The following NFIC variants were observed in gnomAD, a reference collection of about 807,000 sequenced individuals.
The protein encoded by NFIC is nuclear factor 1 C-type.
In NFIC, 12 loss-of-function variants were observed where a neutral mutation model predicts 54.4. The observed-to-expected ratio is 0.22, with a 90% CI of 0.14 to 0.36. The LOEUF (loss-of-function observed/expected upper bound fraction) is 0.36, where lower values mean the gene tolerates loss of function less well. Among genes scored for constraint, NFIC ranks in the 10% least tolerant of loss-of-function variants. The pLI, the probability that NFIC is intolerant of heterozygous loss-of-function variation, is 1.00. For synonymous variants in NFIC, 322 were observed against 319.2 expected (o/e 1.01, Z -0.09); for missense variants, 575 against 718.2 (o/e 0.80, Z 2.28).
At chr19:3,462,443 G>A (rs965396865) in intron 10 of NFIC, among the ~76,000 whole-genome samples, 1 of 152,210 alleles carries the variant, frequency 6.6e-6, no homozygotes, top group African/African-American at 2.4e-5. Context: ...TCTTTTGTGT[G>A]TGGTGTGTAA....
Position 3,453,811 on chromosome 19 carries a change from C to G in NFIC, c.1318C>G (p.Gln440Glu). Residue 440 changes from glutamine (Q) to glutamate (E), a missense_variant, in exon 9 of 11, where the codon CAG (glutamine) becomes GAG (glutamate). By Grantham distance (29) the Gln-to-Glu change is conservative. Transcript: ENST00000443272. This position sits in a 1 kb window ranked among gnomAD's most constrained non-coding sequence, Gnocchi z 6.7. ...AATGCCCAGCCACTGCCTTTCTGCT[C>G]AGATGCTGGCACCTCCGCCCCCGGG... ...LKMPSHCLSA[Q>E]MLAPPPPGLP... 6.2e-7 allele frequency: 1 copy of G among 1,604,728 alleles called. No homozygotes were observed. Among genetic ancestry groups the G allele is most frequent in the Non-Finnish European group, 8.5e-7 (1 of 1,176,094 alleles).
chr19:3,397,863 G>C (rs892633311), intron 2 of NFIC, among the ~76,000 whole-genome samples: 1 of 152,238 alleles, frequency 6.6e-6, no homozygotes, highest in South Asian at 2.1e-4. Flanking sequence ...TGTGTCTGAC[G>C]GGGGTGGGGA....
At chr19:3,429,609 A>G (rs2082089516) in intron 3 of NFIC, among the ~76,000 whole-genome samples, 1 of 152,074 alleles carries the variant, frequency 6.6e-6, no homozygotes, top group South Asian at 2.1e-4. Flanking sequence ...AAAGATTGTA[A>G]CAGGGGGACT....
intron 2 of NFIC, among the ~76,000 whole-genome samples, chr19:3,391,778 C>G (rs900757240): frequency 6.6e-6 from 1 of 152,080 alleles, no homozygotes; most frequent in Non-Finnish European, 1.5e-5. Flanking sequence ...GCCTGGGCAA[C>G]AGAGTGAGAC....
intron 6 of NFIC, among the ~76,000 whole-genome samples, chr19:3,440,082 C>A (rs11085019): frequency 0.32 from 48,712 of 151,958 alleles, 8,710 homozygotes; most frequent in East Asian, 0.75. Flanking sequence ...TATTAATTCG[C>A]GGCTAAGCTA....
chr19:3,465,151 T>TAAAAAAAAA lies in NFIC; in HGVS notation c.*2397_*2405dup, dbSNP rs59668846. The TAAAAAAAAA allele has an allele frequency of 5.9e-5, 4 of 68,058 alleles. No individual in the cohort carries two copies. The highest frequency in any genetic ancestry group is 7.4e-5 in the African/African-American group (1 of 13,462). 4.2% of individuals were successfully genotyped at this position (68,058 alleles called of 1,614,324 possible). A position where few individuals can be genotyped will look rare whatever the true frequency, so the allele number is the denominator to read the frequency against. The stretch of plus-strand genomic sequence containing the variant: ...CCCCCTCCACCCCCCACTTCCTCTT[T>TAAAAAAAAA]AAAAAAAAAAAAAAAAAAAAAAAGA... On this transcript the variant is annotated 3_prime_UTR_variant, in exon 11 of 11. Transcript: ENST00000443272.
chr19:3,412,078 A>G (rs765445008), intron 2 of NFIC, among the ~76,000 whole-genome samples: 21 of 152,074 alleles, frequency 1.4e-4, no homozygotes, highest in Non-Finnish European at 2.5e-4. Context: ...ATGTTCATTT[A>G]TATGTTTTGT....
Position 3,453,107 on chromosome 19 carries a change from C to T in NFIC, c.1269+441C>T, listed in dbSNP as rs55665957. 0.055 allele frequency among the ~76,000 whole-genome samples: 8,358 copies of T among 152,228 alleles called. 742 individuals carry two copies. The highest frequency in any genetic ancestry group is 0.19 in the African/African-American group (7,749 of 41,508). On this transcript the variant is annotated intron_variant, in intron 8 of 10. Transcript: ENST00000443272. This position sits in a 1 kb window ranked among gnomAD's most constrained non-coding sequence, Gnocchi z 6.7. ...CTTAAAAATGAGCCACGCATGGTGGCGGGCGCCTGTAGTCCCAGCTACTCA... is the reference window on the plus strand; with the variant it reads ...CTTAAAAATGAGCCACGCATGGTGGTGGGCGCCTGTAGTCCCAGCTACTCA...
intron 2 of NFIC, among the ~76,000 whole-genome samples, chr19:3,423,214 A>G (rs1310941967): frequency 1.3e-5 from 2 of 152,100 alleles, no homozygotes; most frequent in South Asian, 2.1e-4. Context: ...ATAAAAATAA[A>G]TAAATAAAAT....
At chr19:3,362,638 T>C (rs2080825226), upstream of NFIC, among the ~76,000 whole-genome samples, 1 of 152,112 alleles carries the variant, frequency 6.6e-6, no homozygotes, top group South Asian at 2.1e-4. Flanking sequence ...GTGGTGTGTG[T>C]GTCTATCTGT....
intron 1 of NFIC, among the ~76,000 whole-genome samples, chr19:3,377,966 C>T (rs935131170): frequency 2.0e-5 from 3 of 151,872 alleles, no homozygotes; most frequent in African/African-American, 7.3e-5. Flanking sequence ...TTTTGCCTGC[C>T]GGCCACAGTG....
At chr19:3,440,183 G>A (rs1323261375) in intron 6 of NFIC, among the ~76,000 whole-genome samples, 1 of 152,160 alleles carries the variant, frequency 6.6e-6, no homozygotes, top group Non-Finnish European at 1.5e-5. Flanking sequence ...GAGTTGCACT[G>A]TGGATGTTTG....
intron 2 of NFIC, among the ~76,000 whole-genome samples, chr19:3,393,969 G>T (rs962435739): frequency 4.0e-5 from 6 of 150,888 alleles, no homozygotes; most frequent in African/African-American, 1.5e-4. Context: ...TTGAGACAGA[G>T]TCTCGCTCTG....
rs753583974 is a variant in NFIC at position 3,369,895 on chromosome 19, C to T, written c.30+3229C>T. ...TCATTCGTTCGTTGTTTCCTTCATT[C>T]GTTCGTCCCATGCCCTCTCGGAGCA... On this transcript the variant is annotated intron_variant, in intron 1 of 10. Coordinates refer to ENST00000443272, the MANE Select transcript of NFIC (RefSeq NM_001245002.2). The surrounding 1 kb of genome is among the most constrained non-coding windows in gnomAD (Gnocchi z 4.3). 4.6e-5 allele frequency among the ~76,000 whole-genome samples: 7 copies of T among 152,350 alleles called. No individual in the cohort carries two copies. The highest frequency in any genetic ancestry group is 1.9e-4 in the East Asian group (1 of 5,182).
chr19:3,429,755 AG>A (rs1198371516), intron 3 of NFIC, among the ~76,000 whole-genome samples: 1 of 151,780 alleles, frequency 6.6e-6, no homozygotes, highest in African/African-American at 2.4e-5. Flanking sequence ...CAAACCTACC[AG>A]GCTCCCTGGC....
chr19:3,420,092 G>GC, intron 2 of NFIC, among the ~76,000 whole-genome samples: 1 of 152,134 alleles, frequency 6.6e-6, no homozygotes, highest in Non-Finnish European at 1.5e-5. Context: ...AGACCAAAGA[G>GC]AGTGGATCGC....
rs2082563864 is a variant in NFIC at position 3,456,697 on chromosome 19, G to T, written c.1509+62G>T. 4.4e-6 allele frequency: 6 copies of T among 1,351,914 alleles called. No homozygotes were observed. The South Asian group carries it at 7.8e-5, about 18-fold the overall frequency. The allele number at this position is 1,351,914 out of a possible 1,614,324, so 83.7% of individuals were successfully genotyped here. A position where few individuals can be genotyped will look rare whatever the true frequency, so the allele number is the denominator to read the frequency against. ...GCAGGGCAGAGGGGCCGGCCCGGGG[G>T]GCTCAGGGCGAAGAGGGCCTGCTGG... On this transcript the variant is annotated intron_variant, in intron 10 of 10. Coordinates refer to ENST00000443272, the MANE Select transcript of NFIC (RefSeq NM_001245002.2).
At position 3,452,971 on chromosome 19, in the gene NFIC, C is replaced by T. The variant is rs558908667; in HGVS notation, c.1269+305C>T. On this transcript the variant is annotated intron_variant, in intron 8 of 10. Transcript: ENST00000443272. This position sits in a 1 kb window ranked among gnomAD's most constrained non-coding sequence, Gnocchi z 5.3. ...CAGGGAGGGACTGGGCATAGCGGCTCATGCCTGTGATCCCAGCGCTTTCGG... is the reference window on the plus strand; with the variant it reads ...CAGGGAGGGACTGGGCATAGCGGCTTATGCCTGTGATCCCAGCGCTTTCGG... 4.6e-5 allele frequency among the ~76,000 whole-genome samples: 7 copies of T among 152,220 alleles called. No individual in the cohort carries two copies. Among genetic ancestry groups the T allele is most frequent in the Non-Finnish European group, 8.8e-5 (6 of 68,048 alleles).
At chr19:3,430,740 G>A (rs58602738) in intron 3 of NFIC, among the ~76,000 whole-genome samples, 5 of 151,700 alleles carry the variant, frequency 3.3e-5, no homozygotes, top group Admixed American at 1.3e-4. Flanking sequence ...GAGACCAGCC[G>A]GACCAAGATG....
Sources: allele counts gnomAD v4.1 joint callset (sites outside exome capture counted in the v4.1 genomes callset), GRCh38; gene constraint gnomAD v4.1.1; non-coding constraint Gnocchi (gnomAD v3.1); transcripts MANE v1.5; gene names NCBI Gene and HGNC (gene_info 2026-07-23, HGNC 2026-07-21).